Variants in MYO1E observed in about 807,000 individuals in gnomAD.
MYO1E encodes myosin IE, also known as unconventional myosin-Ie.
MYO1E carries 68 observed loss-of-function variants against 151.1 expected under a neutral mutation model. The observed-to-expected ratio is 0.45, with a 90% confidence interval of 0.37 to 0.55. MYO1E has a LOEUF of 0.55. Among genes scored for constraint, MYO1E ranks in the 20% least tolerant of loss-of-function variants. The probability of loss-of-function intolerance (pLI) is 0.00; values close to 1 mark genes in which losing one functional copy is unlikely to be tolerated. For missense variants in MYO1E, 1,363 were observed against 1,389.3 expected (o/e 0.98, Z 0.30); for synonymous variants, 601 against 501.7 (o/e 1.20, Z -2.64).
intron 26 of MYO1E, among the ~76,000 whole-genome samples, chr15:59,139,901 A>G (rs948596657): frequency 0.011 from 3 of 270 alleles, no homozygotes; most frequent in Non-Finnish European, 0.015. Context: ...CATTTTATCA[A>G]TCAGTTATTA....
rs377135970 is a variant in MYO1E at position 59,348,262 on chromosome 15, T to A, written c.3+24236A>T. Among the ~76,000 whole-genome samples the A allele has an allele frequency of 2.0e-3, 302 of 152,334 alleles. 1 individual carries two copies. Among genetic ancestry groups the A allele is most frequent in the African/African-American group, 7.0e-3 (291 of 41,572 alleles). On this transcript the variant is annotated intron_variant, in intron 1 of 27. Transcript: ENST00000288235. ...TAAAGTCCCCTGGGAACTAGTTTCCTATTTATTCAAGTCAGCTGTATTAAA... is the reference window on the plus strand; with the variant it reads ...TAAAGTCCCCTGGGAACTAGTTTCCAATTTATTCAAGTCAGCTGTATTAAA...
At position 59,278,699 on chromosome 15, in the gene MYO1E, G is replaced by A. The variant is rs558354408; in HGVS notation, c.4-6250C>T. ...GACTTCAGTGCACAGAGTACAATAT[G>A]AGGAAAAAGTGTTCCTGAAACAGTG... On this transcript the variant is annotated intron_variant, in intron 1 of 27. Coordinates refer to ENST00000288235, the MANE Select transcript of MYO1E (RefSeq NM_004998.4). Among the ~76,000 whole-genome samples, 4 of 152,272 alleles carry A rather than the reference G, an allele frequency of 2.6e-5. No homozygotes were observed. In the East Asian group the frequency reaches 7.7e-4, roughly 29 times the overall value.
rs192432347 is a variant in MYO1E, at chr15:59,295,076, C to G, written c.4-22627G>C. Among the ~76,000 whole-genome samples, 140 of 152,238 alleles carry G rather than the reference C, an allele frequency of 9.2e-4. 1 individual carries two copies. The highest frequency in any genetic ancestry group is 3.7e-3 in the Admixed American group (56 of 15,280). ...CCTGAGGATGGGGCATGCCTCATCTCTGAACTCTCCTTGTCCTAATAAAGA... is the reference window on the plus strand; with the variant it reads ...CCTGAGGATGGGGCATGCCTCATCTGTGAACTCTCCTTGTCCTAATAAAGA... On this transcript the variant is annotated intron_variant, in intron 1 of 27. Coordinates refer to ENST00000288235, the MANE Select transcript of MYO1E (RefSeq NM_004998.4).
intron 4 of MYO1E, among the ~76,000 whole-genome samples, chr15:59,243,541 A>G (rs1343795464): frequency 6.6e-6 from 1 of 152,178 alleles, no homozygotes; most frequent in Non-Finnish European, 1.5e-5. Flanking sequence ...AAAGGAGGTG[A>G]GAGAGTCTGT....
chr15:59,288,440 G>T (rs558595491), intron 1 of MYO1E, among the ~76,000 whole-genome samples: 1 of 152,186 alleles, frequency 6.6e-6, no homozygotes, highest in South Asian at 2.1e-4. Flanking sequence ...GCCTCCCAAA[G>T]TGTTGGGATT....
At chr15:59,171,779 G>T in intron 22 of MYO1E, 118 bp downstream of exon 22, 1 of 1,303,094 alleles carries the variant, frequency 7.7e-7, no homozygotes, top group Non-Finnish European at 1.1e-6. Flanking sequence ...CCATTCTCTT[G>T]ATCATGATTT....
At chr15:59,167,153 G>C (rs1191958658) in intron 22 of MYO1E, among the ~76,000 whole-genome samples, 1 of 152,184 alleles carries the variant, frequency 6.6e-6, no homozygotes, top group Non-Finnish European at 1.5e-5. Flanking sequence ...AAAGTTTAGG[G>C]GATTCAGGCA....
At chr15:59,331,161 T>C (rs540926961) in intron 1 of MYO1E, among the ~76,000 whole-genome samples, 9 of 152,294 alleles carry the variant, frequency 5.9e-5, no homozygotes, top group African/African-American at 2.2e-4. Context: ...AGAGACTGTA[T>C]GGTCCACAAA....
chr15:59,287,568 A>G (rs2080394399), intron 1 of MYO1E, among the ~76,000 whole-genome samples: 1 of 152,216 alleles, frequency 6.6e-6, no homozygotes, highest in Non-Finnish European at 1.5e-5. Flanking sequence ...TTAAAGGTTC[A>G]ACAGCAAGCC....
chr15:59,372,317 G>C (rs1399057053), intron 1 of MYO1E, among the ~76,000 whole-genome samples, 181 bp downstream of exon 1: 6 of 152,184 alleles, frequency 3.9e-5, no homozygotes, highest in African/African-American at 1.4e-4. Flanking sequence ...CCCCTCGCTC[G>C]CTCTCCCCCG....
At chr15:59,238,666 G>A (rs1366152868) in intron 4 of MYO1E, among the ~76,000 whole-genome samples, 1 of 152,026 alleles carries the variant, frequency 6.6e-6, no homozygotes, top group Non-Finnish European at 1.5e-5. Context: ...CTACCTCCTA[G>A]GTTCAAATGA....
chr15:59,353,453 C>G (rs1433358646), intron 1 of MYO1E, among the ~76,000 whole-genome samples: 2 of 151,138 alleles, frequency 1.3e-5, no homozygotes, highest in Non-Finnish European at 2.9e-5. Flanking sequence ...ATACTGGATT[C>G]TTTGTCAAAG....
Position 59,188,110 on chromosome 15 carries a change from T to C in MYO1E, c.1904+8A>G, listed in dbSNP as rs750109221. On this transcript the variant is annotated splice_region_variant and intron_variant, in intron 18 of 27. Transcript: ENST00000288235. ...TTTTAAAAAAGGCCAGAGTCACTAG[T>C]TCATTACCTCTGTAGGAATTTTTGG... 1.3e-6 allele frequency: 2 copies of C among 1,598,002 alleles called. No homozygotes were observed. The highest frequency in any genetic ancestry group is 1.1e-5 in the South Asian group (1 of 90,774).
At chr15:59,232,618 A>T (rs965220217) in intron 5 of MYO1E, among the ~76,000 whole-genome samples, 14 of 152,254 alleles carry the variant, frequency 9.2e-5, no homozygotes, top group Admixed American at 9.2e-4. Flanking sequence ...ACTTCTAATT[A>T]TTCACATGCT....
intron 1 of MYO1E, among the ~76,000 whole-genome samples, chr15:59,303,121 T>C (rs1332119652): frequency 6.6e-6 from 1 of 152,184 alleles, no homozygotes; most frequent in African/African-American, 2.4e-5. Context: ...ATGCTGCAAA[T>C]AAAGTCTTCA....
In MYO1E at chr15:59,273,442, G is replaced by A. The variant is rs139815812; in HGVS notation, c.4-993C>T. Among the ~76,000 whole-genome samples the A allele has an allele frequency of 9.8e-4, 150 of 152,296 alleles. 1 individual carries two copies. Among genetic ancestry groups the A allele is most frequent in the Middle Eastern group, 3.4e-3 (1 of 294 alleles). On this transcript the variant is annotated intron_variant, in intron 1 of 27. Coordinates refer to ENST00000288235, the MANE Select transcript of MYO1E (RefSeq NM_004998.4). ...TTGGGCAGTTCAAAGTCCCTTGAAG[G>A]ACACCTAGATAATGATGGAATAAAG...
chr15:59,206,891 G>C, intron 14 of MYO1E: 1 of 1,564,626 alleles, frequency 6.4e-7, no homozygotes, highest in Non-Finnish European at 8.7e-7. Flanking sequence ...TCAACGTTCG[G>C]ATCAGCAGCT....
intron 22 of MYO1E, among the ~76,000 whole-genome samples, chr15:59,168,559 T>C (rs1354504850): frequency 2.0e-5 from 3 of 151,830 alleles, no homozygotes; most frequent in African/African-American, 7.3e-5. Context: ...AAATAAAAAG[T>C]AGTATAGAAT....
intron 2 of MYO1E, among the ~76,000 whole-genome samples, chr15:59,262,809 A>T (rs554171557): frequency 6.6e-6 from 1 of 152,304 alleles, no homozygotes; most frequent in African/African-American, 2.4e-5. Flanking sequence ...AAAATTTTAC[A>T]CATTTTAATA....
Sources: allele counts gnomAD v4.1 joint callset (sites outside exome capture counted in the v4.1 genomes callset), GRCh38; gene constraint gnomAD v4.1.1; transcripts MANE v1.5; gene names NCBI Gene and HGNC (gene_info 2026-07-23, HGNC 2026-07-21).